PCDH11X: variants seen among roughly 807,000 people sequenced by gnomAD.
The protein encoded by PCDH11X is protocadherin-11 X-linked.
In PCDH11X, 18 loss-of-function variants were observed where a neutral mutation model predicts 53.3. The ratio of observed to expected loss-of-function variants is 0.34; its 90% CI spans 0.23 to 0.50. PCDH11X has a LOEUF of 0.50. Ranked by LOEUF, PCDH11X falls within the 20% of genes least tolerant of loss-of-function variation. The probability of loss-of-function intolerance (pLI) is 0.98; values close to 1 mark genes in which losing one functional copy is unlikely to be tolerated. For missense variants in PCDH11X, 570 were observed against 1,032.4 expected, an observed-to-expected ratio of 0.55 and a Z score of 6.14; for synonymous variants, 279 against 393.3, an observed-to-expected ratio of 0.71 and a Z score of 3.44.
Position 92,342,198 on chromosome X carries a change from G to A in PCDH11X, c.3145-45537G>A, listed in dbSNP as rs773656829. ...AAAGTTAAAAATTAATGGTTGCAGG[G>A]CTGCAGAGGAAAGGGAGTGCTTATA... is the stretch of plus-strand genomic sequence containing the variant. On this transcript the variant is annotated intron_variant, in intron 8 of 10. Transcript: ENST00000682573. 3.6e-5 allele frequency among the ~76,000 whole-genome samples: 4 copies of A among 111,583 alleles called. No individual in the cohort carries two copies. The South Asian group carries it at 1.5e-3, about 42-fold the overall frequency.
chrX:92,389,442 A>T (rs1433854608), intron 9 of PCDH11X, among the ~76,000 whole-genome samples: 2 of 111,576 alleles, frequency 1.8e-5, no homozygotes, highest in African/African-American at 6.5e-5. Flanking sequence ...ATAAGAATAT[A>T]GAAATGGGAT....
At chrX:91,963,949 G>T (rs1354240329) in intron 6 of PCDH11X, among the ~76,000 whole-genome samples, 4 of 109,954 alleles carry the variant, frequency 3.6e-5, no homozygotes, top group African/African-American at 1.3e-4. Flanking sequence ...AACAACATGA[G>T]GGTAACCAAC....
chrX:92,008,164 A>C (rs1383243361), intron 6 of PCDH11X, among the ~76,000 whole-genome samples: 1 of 111,250 alleles, frequency 9.0e-6, no homozygotes, highest in East Asian at 2.8e-4. Context: ...CTGGTGCCTC[A>C]GTATGCCAGG....
At position 92,133,646 on chromosome X, in the gene PCDH11X, G is replaced by A. The variant is rs746495265; in HGVS notation, c.3034-67729G>A. Among the ~76,000 whole-genome samples the A allele has an allele frequency of 3.0e-4, 34 of 112,530 alleles. No individual in the cohort carries two copies. In the South Asian group the frequency reaches 0.011, roughly 37 times the overall value. On this transcript the variant is annotated intron_variant, in intron 6 of 10. Transcript: ENST00000682573. ...CTCCCAAAGTGCTGTGATTACAGGC[G>A]TGAGCCACCGCTCCCTGCCAAATGT... is the stretch of plus-strand genomic sequence containing the variant.
intron 10 of PCDH11X, among the ~76,000 whole-genome samples, chrX:92,489,445 T>G (rs1168733793): frequency 1.8e-5 from 2 of 110,775 alleles, no homozygotes; most frequent in Non-Finnish European, 3.8e-5. Context: ...CGCTTGCATA[T>G]TCATTTACCA....
rs368394261 is a variant in PCDH11X, at chrX:92,621,996, C to T, written c.*3056C>T. 1,871 of 100,816 alleles carry T rather than the reference C, an allele frequency of 0.019. 59 individuals carry two copies. Among genetic ancestry groups the T allele is most frequent in the African/African-American group, 0.063 (1,728 of 27,402 alleles). The allele number at this position is 100,816 out of a possible 1,213,427, so 8.3% of individuals were successfully genotyped here. Reference sequence around the variant, plus strand: ...CAAATACTAAGTATCTTATATGCTACGTGCATACACATTCTTTTCTTAAAC... The same window carrying T: ...CAAATACTAAGTATCTTATATGCTATGTGCATACACATTCTTTTCTTAAAC... On this transcript the variant is annotated 3_prime_UTR_variant, in exon 11 of 11. Transcript: ENST00000682573.
intron 8 of PCDH11X, among the ~76,000 whole-genome samples, chrX:92,301,699 T>C (rs1242900906): frequency 1.8e-5 from 2 of 110,284 alleles, no homozygotes; most frequent in Non-Finnish European, 3.8e-5. Context: ...AATCTGTGTG[T>C]TTACATTCCA....
At chrX:92,461,045 A>G (rs2073032274) in intron 9 of PCDH11X, 2 of 479,414 alleles carry the variant, frequency 4.2e-6, no homozygotes, top group East Asian at 7.4e-5. Flanking sequence ...AAAACTATAA[A>G]ACATTGATGA....
intron 5 of PCDH11X, among the ~76,000 whole-genome samples, chrX:91,860,989 C>T (rs1214077672): frequency 9.0e-6 from 1 of 111,521 alleles, no homozygotes; most frequent in East Asian, 2.8e-4. Context: ...ATGCTGGCCT[C>T]ATAAAATGAA....
chrX:92,179,820 A>C (rs886313969), intron 6 of PCDH11X, among the ~76,000 whole-genome samples: 2 of 111,653 alleles, frequency 1.8e-5, no homozygotes, highest in Admixed American at 1.9e-4. Context: ...ACTTTTTTCT[A>C]CCACTCTACT....
chrX:92,387,945 C>T lies in PCDH11X; in HGVS notation c.3343+12C>T, dbSNP rs1348383140. ...CGATCCTGAATCTAGTAAGTGATAC[C>T]TCTCTGGTTCCTCAATATAAACGGG... On this transcript the variant is annotated intron_variant, in intron 9 of 10. Coordinates refer to ENST00000682573, the MANE Select transcript of PCDH11X (RefSeq NM_032968.5). The T allele has an allele frequency of 1.3e-5, 16 of 1,201,294 alleles. No individual in the cohort carries two copies. The highest frequency in any genetic ancestry group is 1.7e-5 in the Non-Finnish European group (15 of 889,006).
chrX:92,284,045 A>G (rs897658354), intron 8 of PCDH11X, among the ~76,000 whole-genome samples: 1 of 107,912 alleles, frequency 9.3e-6, no homozygotes, highest in African/African-American at 3.4e-5. Flanking sequence ...CTTTCCTTAT[A>G]AACTGATTGT....
rs752498437 is a variant in PCDH11X, at chrX:92,559,341, TA to T, written c.3368-58916del. Among the ~76,000 whole-genome samples the T allele has an allele frequency of 3.6e-5, 4 of 111,017 alleles. No individual in the cohort carries two copies. The East Asian group carries it at 8.5e-4, about 24-fold the overall frequency. Reference sequence around the variant, plus strand: ...TATTGATGCTTGTTAAATGAGCCTTTAAAAAAATACAAATAGAGCAAAGGAA... The same window carrying T: ...TATTGATGCTTGTTAAATGAGCCTTTAAAAAATACAAATAGAGCAAAGGAA... On this transcript the variant is annotated intron_variant, in intron 10 of 10. Transcript: ENST00000682573.
chrX:92,407,308 C>T (rs1276498599), intron 9 of PCDH11X, among the ~76,000 whole-genome samples: 1 of 111,448 alleles, frequency 9.0e-6, no homozygotes, highest in East Asian at 2.8e-4. Context: ...CAACCTTGTA[C>T]ATGCTTTCTG....
intron 7 of PCDH11X, among the ~76,000 whole-genome samples, chrX:92,210,340 A>G (rs2148334731): frequency 1.0e-5 from 1 of 99,584 alleles, no homozygotes; most frequent in South Asian, 4.7e-4. Context: ...CCAGGTTCAT[A>G]CCATTCTCCT....
chrX:92,242,940 C>A (rs891256202), intron 7 of PCDH11X, among the ~76,000 whole-genome samples: 1 of 111,114 alleles, frequency 9.0e-6, no homozygotes, highest in East Asian at 2.8e-4. Flanking sequence ...TAGTTTTGTC[C>A]GTGTTCTGAC....
intron 8 of PCDH11X, among the ~76,000 whole-genome samples, chrX:92,283,853 G>T (rs2068301679): frequency 9.0e-6 from 1 of 111,383 alleles, no homozygotes; most frequent in African/African-American, 3.3e-5. Flanking sequence ...GTGGAATGAA[G>T]GTAGACATAT....
intron 6 of PCDH11X, among the ~76,000 whole-genome samples, chrX:92,050,459 A>G (rs971019647): frequency 9.1e-6 from 1 of 110,046 alleles, no homozygotes; most frequent in African/African-American, 3.3e-5. Flanking sequence ...AGTTTGCAGT[A>G]TATGTACAGT....
At chrX:92,174,834 A>G (rs920284256) in intron 6 of PCDH11X, among the ~76,000 whole-genome samples, 1 of 111,863 alleles carries the variant, frequency 8.9e-6, no homozygotes. Context: ...ATTTTGTTCT[A>G]TGAGGTATGC....
Sources: gnomAD v4.1 joint callset for allele counts (sites outside exome capture counted in the v4.1 genomes callset) on GRCh38, gnomAD v4.1.1 for gene constraint, MANE v1.5 for transcripts, NCBI Gene and HGNC (gene_info 2026-07-23, HGNC 2026-07-21) for gene names.